CHD7: variants seen among roughly 807,000 people sequenced by gnomAD.
CHD7 encodes ATP-dependent chromatin remodeler CHD7.
CHD7 carries 24 observed loss-of-function variants against 307.3 expected under a neutral mutation model. That is an observed-to-expected ratio of 0.08 (90% CI 0.06 to 0.11). The LOEUF is 0.11. CHD7 is among the 10% of genes least tolerant of loss of function. CHD7 has a pLI of 1.00. For missense variants in CHD7, 3,106 were observed against 3,727.1 expected (o/e 0.83, Z 4.34); for synonymous variants, 1,363 against 1,349.9 (o/e 1.01, Z -0.21).
At chr8:60,720,994 G>A (rs1392010826) in intron 1 of CHD7, among the ~76,000 whole-genome samples, 1 of 152,172 alleles carries the variant, frequency 6.6e-6, no homozygotes. Flanking sequence ...GGCGGCTGCT[G>A]CTTTTCCAAG....
At chr8:60,754,513 C>T (rs1188097870) in intron 2 of CHD7, among the ~76,000 whole-genome samples, 5 of 152,092 alleles carry the variant, frequency 3.3e-5, no homozygotes, top group African/African-American at 1.2e-4. Flanking sequence ...TTGAAGTAGA[C>T]TGACTTTCCC....
At chr8:60,738,895 A>G (rs1808843004) in intron 1 of CHD7, among the ~76,000 whole-genome samples, 1 of 152,234 alleles carries the variant, frequency 6.6e-6, no homozygotes, top group African/African-American at 2.4e-5. Flanking sequence ...AGAAGGGCGT[A>G]GGGAACAGGA....
chr8:60,715,023 G>T (rs1186638330), intron 1 of CHD7, among the ~76,000 whole-genome samples: 1 of 152,242 alleles, frequency 6.6e-6, no homozygotes, highest in Non-Finnish European at 1.5e-5. Flanking sequence ...TGTCCGAATG[G>T]TTTGTTTTTT....
In CHD7 at chr8:60,864,582, A is replaced by C. The variant is rs958788335; in HGVS notation, c.8077-434A>C. Reference sequence around the variant, plus strand: ...AGATGAGGTATGCATCACCTCAAGCATTTACCCTTTGTATTACAAACAATG... The same window carrying C: ...AGATGAGGTATGCATCACCTCAAGCCTTTACCCTTTGTATTACAAACAATG... On this transcript the variant is annotated intron_variant, in intron 37 of 37. Transcript: ENST00000423902. 3.5e-5 allele frequency: 7 copies of C among 199,084 alleles called. No homozygotes were observed. In the East Asian group the frequency reaches 7.2e-4, roughly 21 times the overall value. 12.3% of individuals were successfully genotyped at this position (199,084 alleles called of 1,614,324 possible).
intron 2 of CHD7, among the ~76,000 whole-genome samples, chr8:60,755,329 G>A (rs1433439262): frequency 6.6e-6 from 1 of 152,022 alleles, no homozygotes; most frequent in African/African-American, 2.4e-5. Flanking sequence ...AAACATTTAT[G>A]GGCAGCACTG....
At chr8:60,833,613 C>A (rs1019923292) in intron 15 of CHD7, among the ~76,000 whole-genome samples, 2 of 152,196 alleles carry the variant, frequency 1.3e-5, no homozygotes, top group African/African-American at 2.4e-5. Context: ...CAGTGACCAT[C>A]TGTTGAAGTG....
At chr8:60,838,326 A>C in intron 19 of CHD7, 71 bp downstream of exon 19, 1 of 1,375,628 alleles carries the variant, frequency 7.3e-7, no homozygotes, top group Non-Finnish European at 1.0e-6. Context: ...AGTACCTTGT[A>C]AAAGTGCTTA....
chr8:60,798,840 A>C (rs1188039829), intron 4 of CHD7, among the ~76,000 whole-genome samples: 1 of 152,242 alleles, frequency 6.6e-6, no homozygotes, highest in Non-Finnish European at 1.5e-5. Context: ...TTTGACATAC[A>C]TATATGAATA....
At chr8:60,852,747 G>A in intron 30 of CHD7, 41 bp downstream of exon 30, 1 of 1,611,002 alleles carries the variant, frequency 6.2e-7, no homozygotes, top group Non-Finnish European at 8.5e-7. Flanking sequence ...AAAAAGACGA[G>A]TAAAGTGAAA....
Position 60,820,102 on chromosome 8 carries a change from T to A in CHD7, c.2697+12T>A, listed in dbSNP as rs375096665. Reference sequence around the variant, plus strand: ...ATGACCGGGGAGAGGTAACAGGAGATCATTTGTATTACAAAGTGGTGATTC... The same window carrying A: ...ATGACCGGGGAGAGGTAACAGGAGAACATTTGTATTACAAAGTGGTGATTC... On this transcript the variant is annotated intron_variant, in intron 9 of 37. Coordinates refer to ENST00000423902, the MANE Select transcript of CHD7 (RefSeq NM_017780.4). The A allele has an allele frequency of 6.4e-7, 1 of 1,572,680 alleles. No individual in the cohort carries two copies. Among genetic ancestry groups the A allele is most frequent in the Non-Finnish European group, 8.7e-7 (1 of 1,147,392 alleles).
chr8:60,794,966 C>T lies in CHD7; in HGVS notation c.2097-20C>T, dbSNP rs569155117. On this transcript the variant is annotated intron_variant, in intron 3 of 37. Coordinates refer to ENST00000423902, the MANE Select transcript of CHD7 (RefSeq NM_017780.4). The stretch of plus-strand genomic sequence containing the variant: ...AAACACATTAAAAGTGAACACTAAG[C>T]GATCCACTTTGAATTCTAGTAATAA... 22 of 1,606,316 alleles carry T rather than the reference C, an allele frequency of 1.4e-5. No individual in the cohort carries two copies. Among genetic ancestry groups the T allele is most frequent in the Middle Eastern group, 3.3e-4 (2 of 6,032 alleles).
chr8:60,865,429 T>C lies in CHD7; in HGVS notation c.8490T>C (p.Ala2830=), dbSNP rs775585534. 2 of 1,613,912 alleles carry C rather than the reference T, an allele frequency of 1.2e-6. No homozygotes were observed. Among genetic ancestry groups the C allele is most frequent in the Non-Finnish European group, 1.7e-6 (2 of 1,179,900 alleles). Residue 2830 remains alanine, a synonymous_variant, in exon 38 of 38, where the codon GCT becomes GCC. Transcript: ENST00000423902. This position sits in a 1 kb window ranked among gnomAD's most constrained non-coding sequence, Gnocchi z 4.3. The stretch of plus-strand genomic sequence containing the variant: ...CTGCTACTGGAAACACCACTACTGC[T>C]TCTAGTCAAGGAGAACCGGAAGACA... ...LSAATGNTTT[A]SSQGEPEDST... is the part of the protein sequence containing the mutation.
rs1804728826 is a variant in CHD7, at chr8:60,836,057, T to G, written c.3779-16T>G. 6.3e-7 allele frequency: 1 copy of G among 1,583,334 alleles called. No individual in the cohort carries two copies. Among genetic ancestry groups the G allele is most frequent in the Non-Finnish European group, 8.6e-7 (1 of 1,157,602 alleles). On this transcript the variant is annotated splice_polypyrimidine_tract_variant and intron_variant, in intron 15 of 37. Transcript: ENST00000423902. ...ACCTTTTACAGTATTCACGTTATGC[T>G]GTCCAATCTCTGCAGGTGCTGAAGA...
chr8:60,696,831 C>G (rs1336592072), intron 1 of CHD7, among the ~76,000 whole-genome samples: 2 of 150,458 alleles, frequency 1.3e-5, no homozygotes, highest in African/African-American at 4.9e-5. Flanking sequence ...ACAATACTTT[C>G]AAATTTTGCA....
At chr8:60,859,560 G>C (rs1402853304) in intron 34 of CHD7, among the ~76,000 whole-genome samples, 1 of 152,226 alleles carries the variant, frequency 6.6e-6, no homozygotes, top group East Asian at 1.9e-4. Context: ...CCCAAAGGAA[G>C]CCTGGGAGTG....
chr8:60,851,457 A>C, intron 28 of CHD7, 138 bp downstream of exon 28: 1 of 645,772 alleles, frequency 1.5e-6, no homozygotes, highest in East Asian at 2.8e-5. Context: ...TTTGTGAATC[A>C]TTTTAATTCT....
intron 2 of CHD7, among the ~76,000 whole-genome samples, chr8:60,776,588 T>C (rs1208552799): frequency 1.3e-5 from 2 of 152,252 alleles, no homozygotes; most frequent in African/African-American, 4.8e-5. Context: ...CTCTGCACTC[T>C]TTCCCAGCAG....
At chr8:60,787,324 G>C (rs911419650) in intron 3 of CHD7, among the ~76,000 whole-genome samples, 15 of 152,104 alleles carry the variant, frequency 9.9e-5, no homozygotes, top group African/African-American at 3.6e-4. Context: ...CTAGGGAGGG[G>C]GTTCTGACTG....
chr8:60,832,058 G>A (rs921206241), intron 15 of CHD7, among the ~76,000 whole-genome samples: 1 of 151,876 alleles, frequency 6.6e-6, no homozygotes, highest in Non-Finnish European at 1.5e-5. Flanking sequence ...TTCTCACTCT[G>A]GCGCCCAGGC....
Sources: gnomAD v4.1 joint callset for allele counts (sites outside exome capture counted in the v4.1 genomes callset) on GRCh38, gnomAD v4.1.1 for gene constraint, Gnocchi (gnomAD v3.1) non-coding constraint, MANE v1.5 for transcripts, NCBI Gene and HGNC (gene_info 2026-07-23, HGNC 2026-07-21) for gene names.